NCK1: variants seen among roughly 807,000 people sequenced by gnomAD.
NCK1 encodes NCK adaptor protein 1.
NCK1 carries 19 observed loss-of-function variants against 36.6 expected under a neutral mutation model. That is an observed-to-expected ratio of 0.52 (90% confidence interval 0.36 to 0.76). NCK1 has a LOEUF of 0.76. NCK1 is among the 30% of genes least tolerant of loss of function. The pLI is 0.00. For missense variants in NCK1, 358 were observed against 445.6 expected (o/e 0.80, Z 1.77); for synonymous variants, 165 against 156.0 (o/e 1.06, Z -0.43).
rs1560028369 is a variant in NCK1 at position 136,867,088 on chromosome 3, CTTT to C, written c.-19+4736_-19+4738del. On this transcript the variant is annotated intron_variant, in intron 1 of 3. Coordinates refer to ENST00000481752, the MANE Select transcript of NCK1 (RefSeq NM_001291999.2). ...TCTTTCTTTCTTTCTTTCTTTCTTT[CTTT>C]CTTTCTTTCTTTCTTTCTTTCTTTC... Among the ~76,000 whole-genome samples the C allele has an allele frequency of 1.7e-3, 45 of 26,720 alleles. 1 individual carries two copies. In the East Asian group the frequency reaches 0.022, roughly 13 times the overall value. 17.5% of individuals were successfully genotyped at this position (26,720 alleles called of 152,430 possible). A position where few individuals can be genotyped will look rare whatever the true frequency, so the allele number is the denominator to read the frequency against.
chr3:136,871,722 A>G (rs559880016), intron 1 of NCK1, among the ~76,000 whole-genome samples: 14 of 152,278 alleles, frequency 9.2e-5, no homozygotes, highest in Non-Finnish European at 1.6e-4. Flanking sequence ...TACTCCCACA[A>G]TTCCCACGTG....
At position 136,862,390 on chromosome 3, in the gene NCK1, C is replaced by T. The variant is rs147540017; in HGVS notation, c.-19+37C>T. The T allele has an allele frequency of 1.9e-3, 297 of 152,722 alleles. 1 individual carries two copies. The highest frequency in any genetic ancestry group is 3.6e-3 in the Non-Finnish European group (243 of 68,306). The allele number at this position is 152,722 out of a possible 1,614,324, so 9.5% of individuals were successfully genotyped here. A position where few individuals can be genotyped will look rare whatever the true frequency, so the allele number is the denominator to read the frequency against. ...TTGTTGGCAGGCAGACACACACACACCCCCCTTCAGTCCGCTGTCCGTCCA... is the reference window on the plus strand; with the variant it reads ...TTGTTGGCAGGCAGACACACACACATCCCCCTTCAGTCCGCTGTCCGTCCA... On this transcript the variant is annotated intron_variant, in intron 1 of 3. Transcript: ENST00000481752.
rs1337357575 is a variant in NCK1, at chr3:136,887,975, G to A, written c.-19+25622G>A. On this transcript the variant is annotated intron_variant, in intron 1 of 3. Transcript: ENST00000481752. ...TTTTTTTCTTTTGAGATGGAGTCTT[G>A]CTCTTGTCGCCCAGGCTGGAGTGCA... 7.7e-4 allele frequency among the ~76,000 whole-genome samples: 105 copies of A among 135,928 alleles called. 1 individual carries two copies. Among genetic ancestry groups the A allele is most frequent in the South Asian group, 5.6e-3 (24 of 4,310 alleles). The allele number at this position is 135,928 out of a possible 152,430, so 89.2% of individuals were successfully genotyped here.
rs1278916013 is a variant in NCK1, at chr3:136,928,117, G to A, written c.116G>A (p.Trp39Ter). 1 of 1,613,950 alleles carries A rather than the reference G, an allele frequency of 6.2e-7. No individual in the cohort carries two copies. Among genetic ancestry groups the A allele is most frequent in the African/African-American group, 1.3e-5 (1 of 74,900 alleles). The change falls in exon 2 of 4, where the codon TGG becomes TAG. Residue 39 changes from tryptophan to a stop codon, truncating the protein, a stop_gained. Transcript: ENST00000481752. LOFTEE classifies it high-confidence loss of function. ...LWLLDDSKSWWRVRNSMNKTG... is the reference protein window; with the variant it reads ...LWLLDDSKSW ...CTTCTGGATGATTCTAAGTCCTGGT[G>A]GCGAGTTCGAAATTCCATGAATAAA...
intron 1 of NCK1, among the ~76,000 whole-genome samples, chr3:136,905,018 T>TC (rs1324228234): frequency 6.6e-6 from 1 of 150,382 alleles, no homozygotes; most frequent in African/African-American, 2.4e-5. Flanking sequence ...TTTTTTTTTT[T>TC]TTTTTTCTTT....
chr3:136,932,729 T>G (rs1940426657), intron 2 of NCK1, among the ~76,000 whole-genome samples: 1 of 152,180 alleles, frequency 6.6e-6, no homozygotes, highest in Middle Eastern at 3.2e-3. Context: ...TCTAAAAGTC[T>G]TACATCCTGG....
intron 2 of NCK1, among the ~76,000 whole-genome samples, chr3:136,944,060 A>G (rs965258585): frequency 6.6e-6 from 1 of 150,752 alleles, no homozygotes; most frequent in Non-Finnish European, 1.5e-5. Context: ...ATCAGATAAT[A>G]AAGAGTTGGG....
intron 2 of NCK1, among the ~76,000 whole-genome samples, chr3:136,940,519 C>T (rs753105157): frequency 3.3e-5 from 5 of 151,848 alleles, no homozygotes; most frequent in Non-Finnish European, 7.4e-5. Context: ...TATATGCTGT[C>T]CTTTGTCTTT....
At chr3:136,941,116 C>CT (rs34776608) in intron 2 of NCK1, among the ~76,000 whole-genome samples, 56 of 100,070 alleles carry the variant, frequency 5.6e-4, no homozygotes, top group Admixed American at 8.7e-4. Context: ...ATTTCTTTTT[C>CT]TTTTTTTTTT....
chr3:136,940,079 C>T (rs573712719), intron 2 of NCK1, among the ~76,000 whole-genome samples: 6 of 151,708 alleles, frequency 4.0e-5, no homozygotes, highest in African/African-American at 1.5e-4. Context: ...CCCAGGCTGC[C>T]GTCAGACTCC....
At chr3:136,922,090 G>A (rs1940125179) in intron 1 of NCK1, among the ~76,000 whole-genome samples, 1 of 152,024 alleles carries the variant, frequency 6.6e-6, no homozygotes. Flanking sequence ...GCCACTGAGT[G>A]GTTTTTAAGG....
intron 1 of NCK1, among the ~76,000 whole-genome samples, chr3:136,871,053 G>C (rs1003362369): frequency 6.6e-6 from 1 of 151,640 alleles, no homozygotes; most frequent in Non-Finnish European, 1.5e-5. Flanking sequence ...TTTTCCTTTT[G>C]ATTAATTCCT....
intron 1 of NCK1, among the ~76,000 whole-genome samples, chr3:136,871,447 A>AT (rs1199445043): frequency 1.1e-4 from 17 of 152,286 alleles, no homozygotes; most frequent in African/African-American, 3.8e-4. Context: ...TTAAATGTTT[A>AT]TTGAAAACTG....
At chr3:136,862,701 T>C (rs1049199132) in intron 1 of NCK1, among the ~76,000 whole-genome samples, 3 of 152,182 alleles carry the variant, frequency 2.0e-5, no homozygotes, top group Non-Finnish European at 4.4e-5. Context: ...TTGTCTGTTT[T>C]CTCATGAAAA....
chr3:136,946,440 T>C, intron 3 of NCK1, 145 bp downstream of exon 3: 1 of 679,422 alleles, frequency 1.5e-6, no homozygotes, highest in East Asian at 2.7e-5. Flanking sequence ...GTTCCAAAGC[T>C]AAAGTCCGCA....
intron 1 of NCK1, among the ~76,000 whole-genome samples, chr3:136,884,069 A>G (rs1409723027): frequency 1.3e-5 from 2 of 152,214 alleles, no homozygotes; most frequent in African/African-American, 2.4e-5. Flanking sequence ...ACACAATTCA[A>G]ATTACAGAGT....
intron 1 of NCK1, among the ~76,000 whole-genome samples, chr3:136,885,835 G>T (rs1490255788): frequency 6.6e-6 from 1 of 152,160 alleles, no homozygotes; most frequent in South Asian, 2.1e-4. Context: ...GCTCTTTATA[G>T]CAACCTTTCA....
Position 136,930,686 on chromosome 3 carries a change from G to C in NCK1, c.226+2459G>C, listed in dbSNP as rs994454309. 9 of 1,106,094 alleles carry C rather than the reference G, an allele frequency of 8.1e-6. No individual in the cohort carries two copies. The African/African-American group carries it at 1.4e-4, about 18-fold the overall frequency. 68.5% of individuals were successfully genotyped at this position (1,106,094 alleles called of 1,614,324 possible). ...AAATTTAAAGGAAAACTCTTATTTG[G>C]TGGGTTTATGTAAGCTACTACATTA... On this transcript the variant is annotated intron_variant, in intron 2 of 3. Transcript: ENST00000481752.
intron 1 of NCK1, among the ~76,000 whole-genome samples, chr3:136,914,525 G>A (rs535702562): frequency 5.4e-4 from 83 of 152,294 alleles, no homozygotes; most frequent in African/African-American, 1.8e-3. Flanking sequence ...TTTCATTAGA[G>A]TTAGAAGAGT....
Sources: allele counts gnomAD v4.1 joint callset (sites outside exome capture counted in the v4.1 genomes callset), GRCh38; gene constraint gnomAD v4.1.1; transcripts MANE v1.5; gene names NCBI Gene and HGNC (gene_info 2026-07-23, HGNC 2026-07-21).